Variants in GPC5 observed in about 807,000 individuals in gnomAD.
The protein encoded by GPC5 is glypican-5.
A neutral mutation model predicts 53.9 loss-of-function variants in GPC5; 47 were observed. That is an observed-to-expected ratio of 0.87 (90% CI 0.69 to 1.11). The LOEUF (loss-of-function observed/expected upper bound fraction) is 1.11, where lower values mean the gene tolerates loss of function less well. GPC5 is among the 50% of genes most tolerant of loss of function. The pLI, the probability that GPC5 is intolerant of heterozygous loss-of-function variation, is 0.00. For synonymous variants in GPC5, 286 were observed against 263.3 expected, an observed-to-expected ratio of 1.09 and a Z score of -0.84; for missense variants, 748 against 713.1, an observed-to-expected ratio of 1.05 and a Z score of -0.56.
intron 7 of GPC5, among the ~76,000 whole-genome samples, chr13:92,283,006 A>G (rs565673212): frequency 2.6e-5 from 4 of 152,338 alleles, no homozygotes; most frequent in Non-Finnish European, 1.5e-5. Context: ...CCCATCTCAC[A>G]TGCAGAGACA....
At chr13:91,713,118 G>A (rs2036263796) in intron 3 of GPC5, among the ~76,000 whole-genome samples, 1 of 152,174 alleles carries the variant, frequency 6.6e-6, no homozygotes, top group East Asian at 1.9e-4. Context: ...TTGAACCCGG[G>A]AGGCGGAGGG....
At chr13:92,658,600 G>T (rs1429332002) in intron 7 of GPC5, among the ~76,000 whole-genome samples, 1 of 152,140 alleles carries the variant, frequency 6.6e-6, no homozygotes, top group Admixed American at 6.5e-5. Context: ...TGCTATTTTG[G>T]TTTTGTTGTT....
chr13:92,131,517 A>G (rs1027123599), intron 6 of GPC5, among the ~76,000 whole-genome samples: 3 of 152,034 alleles, frequency 2.0e-5, no homozygotes, highest in Non-Finnish European at 4.4e-5. Flanking sequence ...AACTATAGGT[A>G]TATATAAGAA....
At chr13:92,364,656 G>A (rs960919313) in intron 7 of GPC5, among the ~76,000 whole-genome samples, 1 of 151,688 alleles carries the variant, frequency 6.6e-6, no homozygotes, top group Non-Finnish European at 1.5e-5. Flanking sequence ...CGTGAACCCG[G>A]GAGGCGGAGC....
At chr13:91,547,988 TA>T (rs1235013912) in intron 2 of GPC5, among the ~76,000 whole-genome samples, 2 of 152,078 alleles carry the variant, frequency 1.3e-5, no homozygotes, top group East Asian at 3.9e-4. Context: ...AGAATATCTC[TA>T]AAAAACCTAC....
At chr13:91,983,428 T>C (rs146214104) in intron 6 of GPC5, among the ~76,000 whole-genome samples, 64 of 152,168 alleles carry the variant, frequency 4.2e-4, no homozygotes, top group Non-Finnish European at 2.6e-4. Flanking sequence ...CCTGGTCAAG[T>C]AAGTATCTTA....
At chr13:92,124,806 AAATAAC>A (rs1197729712) in intron 6 of GPC5, among the ~76,000 whole-genome samples, 2 of 152,144 alleles carry the variant, frequency 1.3e-5, no homozygotes, top group Non-Finnish European at 2.9e-5. Flanking sequence ...AAGGAGAGAA[AAATAAC>A]ATAATAGAAG....
intron 7 of GPC5, among the ~76,000 whole-genome samples, chr13:92,272,226 T>C (rs2042844611): frequency 6.6e-6 from 1 of 152,092 alleles, no homozygotes; most frequent in South Asian, 2.1e-4. Flanking sequence ...TTAGCCAATA[T>C]TTACCTGTAA....
intron 2 of GPC5, among the ~76,000 whole-genome samples, chr13:91,458,248 T>C (rs1881691800): frequency 6.6e-6 from 1 of 152,016 alleles, no homozygotes; most frequent in Non-Finnish European, 1.5e-5. Flanking sequence ...GTGTGGGGCA[T>C]ACGGAGGGTG....
chr13:91,840,062 G>C (rs953149070), intron 5 of GPC5, among the ~76,000 whole-genome samples: 15 of 151,752 alleles, frequency 9.9e-5, no homozygotes, highest in Non-Finnish European at 2.1e-4. Flanking sequence ...GAATGAATTA[G>C]ACTTCGTTTC....
chr13:92,719,745 G>A (rs774615187), intron 7 of GPC5, among the ~76,000 whole-genome samples: 5 of 152,034 alleles, frequency 3.3e-5, no homozygotes, highest in African/African-American at 9.7e-5. Flanking sequence ...ATAAATCAAC[G>A]TCACATATTG....
At chr13:91,900,003 G>A (rs1162273407) in intron 5 of GPC5, among the ~76,000 whole-genome samples, 1 of 152,100 alleles carries the variant, frequency 6.6e-6, no homozygotes, top group African/African-American at 2.4e-5. Context: ...TATATCATGT[G>A]TTGGTAGGAA....
At chr13:91,731,620 C>T (rs1045427463) in intron 4 of GPC5, among the ~76,000 whole-genome samples, 1 of 151,964 alleles carries the variant, frequency 6.6e-6, no homozygotes, top group African/African-American at 2.4e-5. Context: ...CACCTATCAA[C>T]CTGTCCTCTA....
intron 7 of GPC5, among the ~76,000 whole-genome samples, chr13:92,664,964 G>A (rs1886520828): frequency 1.3e-5 from 2 of 152,106 alleles, no homozygotes; most frequent in African/African-American, 2.4e-5. Flanking sequence ...TTATGCAGAT[G>A]TTATAAAGGA....
At chr13:92,223,657 A>G (rs1288124465) in intron 7 of GPC5, among the ~76,000 whole-genome samples, 1 of 152,048 alleles carries the variant, frequency 6.6e-6, no homozygotes. Flanking sequence ...TTCACTTAGT[A>G]TAATTATGAC....
chr13:92,173,700 T>C (rs1566469465), intron 7 of GPC5, among the ~76,000 whole-genome samples: 1 of 152,194 alleles, frequency 6.6e-6, no homozygotes, highest in East Asian at 1.9e-4. Flanking sequence ...TTCTATAGTA[T>C]ATAATAATTA....
At chr13:92,200,235 G>A (rs1253745790) in intron 7 of GPC5, among the ~76,000 whole-genome samples, 1 of 152,062 alleles carries the variant, frequency 6.6e-6, no homozygotes, top group Non-Finnish European at 1.5e-5. Flanking sequence ...ATAAAATTAA[G>A]AGGAAAAAAA....
At chr13:91,727,877 A>C (rs1386696938) in intron 3 of GPC5, among the ~76,000 whole-genome samples, 1 of 152,178 alleles carries the variant, frequency 6.6e-6, no homozygotes, top group Admixed American at 6.5e-5. Flanking sequence ...TAATTTTTTC[A>C]ATGATAATTA....
chr13:92,032,395 C>T (rs893620458), intron 6 of GPC5, among the ~76,000 whole-genome samples: 2 of 150,842 alleles, frequency 1.3e-5, no homozygotes, highest in South Asian at 2.1e-4. Context: ...AGAACTGACT[C>T]GTGTAACCAA....
Sources: gnomAD v4.1 joint callset for allele counts (sites outside exome capture counted in the v4.1 genomes callset) on GRCh38, gnomAD v4.1.1 for gene constraint, MANE v1.5 for transcripts, NCBI Gene and HGNC (gene_info 2026-07-23, HGNC 2026-07-21) for gene names.